The following STXBP5L variants were observed in gnomAD, a reference collection of about 807,000 sequenced individuals.
STXBP5L encodes syntaxin binding protein 5L, also known as syntaxin-binding protein 5-like.
STXBP5L carries 65 observed loss-of-function variants against 144.5 expected under a neutral mutation model. That is an observed-to-expected ratio of 0.45 (90% CI 0.37 to 0.55). The LOEUF is 0.55. STXBP5L is among the 20% of genes least tolerant of loss of function. STXBP5L has a pLI of 0.00. For synonymous variants in STXBP5L, 505 were observed against 469.6 expected, an observed-to-expected ratio of 1.08 and a Z score of -0.97; for missense variants, 1,298 against 1,405.5, an observed-to-expected ratio of 0.92 and a Z score of 1.22.
intron 20 of STXBP5L, among the ~76,000 whole-genome samples, chr3:121,363,270 G>A (rs771358621): frequency 1.3e-5 from 2 of 152,154 alleles, no homozygotes; most frequent in East Asian, 1.9e-4. Context: ...GTTTGCCCCC[G>A]ACTCTGCCCC....
rs552682512 is a variant in STXBP5L, at chr3:121,142,863, G to A, written c.670-9614G>A. Among the ~76,000 whole-genome samples, 4 of 151,824 alleles carry A rather than the reference G, an allele frequency of 2.6e-5. No homozygotes were observed. The South Asian group carries it at 8.3e-4, about 31-fold the overall frequency. ...GAAGAGCAAACTAAGCACAAATGTA[G>A]TGGAAGGAAGGAAATAAACATTAGA... On this transcript the variant is annotated intron_variant, in intron 7 of 26. Coordinates refer to ENST00000471454, the MANE Select transcript of STXBP5L (RefSeq NM_001308330.2).
intron 9 of STXBP5L, among the ~76,000 whole-genome samples, chr3:121,187,620 T>G (rs921547936): frequency 1.4e-5 from 2 of 140,578 alleles, no homozygotes; most frequent in East Asian, 2.2e-4. Context: ...AGAAAAAAAA[T>G]AAACTGCATC....
intron 3 of STXBP5L, among the ~76,000 whole-genome samples, chr3:120,967,034 G>A (rs1302140153): frequency 5.3e-5 from 8 of 152,160 alleles, no homozygotes; most frequent in African/African-American, 1.2e-4. Context: ...CCAGGCTGCC[G>A]CTTGGCAGAT....
intron 9 of STXBP5L, among the ~76,000 whole-genome samples, chr3:121,177,762 C>G (rs752658699): frequency 2.6e-5 from 4 of 152,134 alleles, no homozygotes; most frequent in Admixed American, 6.6e-5. Flanking sequence ...TTTGATCTAC[C>G]AGTTTCACTT....
chr3:121,326,298 A>G (rs183472323), intron 20 of STXBP5L, among the ~76,000 whole-genome samples: 48 of 152,142 alleles, frequency 3.2e-4, no homozygotes, highest in African/African-American at 1.1e-3. Flanking sequence ...AAAATTAGAG[A>G]TATGTAGGCT....
chr3:121,362,969 G>A (rs1343804305), intron 20 of STXBP5L, among the ~76,000 whole-genome samples: 7 of 152,060 alleles, frequency 4.6e-5, no homozygotes, highest in African/African-American at 1.7e-4. Context: ...TGCCAGAACT[G>A]GGTTCTTTCC....
chr3:121,127,164 T>G (rs958913770), intron 7 of STXBP5L, among the ~76,000 whole-genome samples: 1 of 151,996 alleles, frequency 6.6e-6, no homozygotes, highest in Admixed American at 6.6e-5. Context: ...CTACCTCATG[T>G]AGCTCTAGGG....
chr3:121,216,237 G>T (rs934044080), intron 10 of STXBP5L, among the ~76,000 whole-genome samples: 1 of 152,138 alleles, frequency 6.6e-6, no homozygotes, highest in Admixed American at 6.5e-5. Flanking sequence ...TCCCTTGCTG[G>T]TGAGGAGTTG....
intron 5 of STXBP5L, among the ~76,000 whole-genome samples, chr3:121,058,540 A>G (rs1201151285): frequency 2.0e-5 from 3 of 152,150 alleles, no homozygotes; most frequent in Admixed American, 1.3e-4. Context: ...AGATCCTTGA[A>G]GAATCGCCAC....
intron 3 of STXBP5L, among the ~76,000 whole-genome samples, chr3:120,963,934 T>A (rs972121948): frequency 2.0e-5 from 3 of 152,212 alleles, no homozygotes; most frequent in Admixed American, 6.5e-5. Flanking sequence ...CTATTAATTA[T>A]TGCCTCAATT....
intron 10 of STXBP5L, among the ~76,000 whole-genome samples, chr3:121,214,859 C>G (rs980722810): frequency 1.3e-5 from 2 of 152,020 alleles, no homozygotes; most frequent in African/African-American, 4.8e-5. Flanking sequence ...TTGTTGGTCT[C>G]TAAGAACTTA....
At chr3:121,272,317 C>T (rs1030079432) in intron 18 of STXBP5L, among the ~76,000 whole-genome samples, 10 of 152,128 alleles carry the variant, frequency 6.6e-5, no homozygotes, top group African/African-American at 2.2e-4. Flanking sequence ...ATATTGGGCA[C>T]ATATGTATTC....
intron 3 of STXBP5L, among the ~76,000 whole-genome samples, chr3:120,971,089 T>G (rs1940190536): frequency 6.6e-6 from 1 of 152,132 alleles, no homozygotes; most frequent in Non-Finnish European, 1.5e-5. Flanking sequence ...TTCTGACATT[T>G]TAGTTATTTC....
chr3:121,373,610 A>G (rs1318604870), intron 20 of STXBP5L, among the ~76,000 whole-genome samples: 1 of 152,044 alleles, frequency 6.6e-6, no homozygotes, highest in Non-Finnish European at 1.5e-5. Context: ...GCCATGCAGC[A>G]CCCTACATCC....
intron 5 of STXBP5L, among the ~76,000 whole-genome samples, chr3:121,058,594 A>T (rs1948613404): frequency 6.6e-6 from 1 of 152,192 alleles, no homozygotes. Context: ...TCCCACCAAC[A>T]GTGTAAAAGT....
chr3:120,909,628 C>A lies in STXBP5L; in HGVS notation c.50C>A (p.Ser17Tyr), dbSNP rs372103763. The A allele has an allele frequency of 1.2e-6, 2 of 1,613,542 alleles. No individual in the cohort carries two copies. Among genetic ancestry groups the A allele is most frequent in the Non-Finnish European group, 8.5e-7 (1 of 1,179,762 alleles). The change falls in exon 2 of 27, where the codon TCC becomes TAC. Residue 17 changes from serine (S) to tyrosine (Y), a missense_variant. Physicochemically the swap from Ser to Tyr is moderately radical, Grantham distance 144. Transcript: ENST00000471454. ...RKVLDGLTAS[S>Y]PGSGSSSGSN... is the part of the protein sequence containing the mutation. ...GTTTTGGATGGCTTAACTGCCTCCT[C>A]CCCTGGCAGTGGTAGCAGCAGTGGC...
chr3:121,041,073 C>T (rs1159343012), intron 3 of STXBP5L, among the ~76,000 whole-genome samples: 5 of 147,802 alleles, frequency 3.4e-5, no homozygotes, highest in African/African-American at 7.5e-5. Flanking sequence ...TTTTTTTTAC[C>T]TTCATTCCTC....
intron 3 of STXBP5L, among the ~76,000 whole-genome samples, chr3:120,980,460 CT>C (rs35037881): frequency 0.51 from 74,314 of 144,682 alleles, 18,897 homozygotes; most frequent in Admixed American, 0.6. Flanking sequence ...TAATGTCCTG[CT>C]TTTTTTTTTT....
intron 3 of STXBP5L, among the ~76,000 whole-genome samples, chr3:120,973,445 T>G (rs559363983): frequency 6.6e-6 from 1 of 152,192 alleles, no homozygotes; most frequent in Admixed American, 6.5e-5. Context: ...CTAATTATGC[T>G]TATTTGAATC....
Sources: allele counts gnomAD v4.1 joint callset (sites outside exome capture counted in the v4.1 genomes callset), GRCh38; gene constraint gnomAD v4.1.1; transcripts MANE v1.5; gene names NCBI Gene and HGNC (gene_info 2026-07-23, HGNC 2026-07-21).